The following IRAG2 variants were observed in gnomAD, a reference collection of about 807,000 sequenced individuals.
IRAG2 encodes the protein lymphoid restricted membrane protein.
Under a neutral mutation model 69.9 loss-of-function variants are expected in IRAG2, and 45 were observed. The ratio of observed to expected loss-of-function variants is 0.64; its 90% CI spans 0.51 to 0.83. The LOEUF is 0.83. Among genes scored for constraint, IRAG2 ranks in the 40% least tolerant of loss-of-function variants. The probability of loss-of-function intolerance (pLI) is 0.00; values close to 1 mark genes in which losing one functional copy is unlikely to be tolerated. For missense variants in IRAG2, 520 were observed against 587.0 expected (o/e 0.89, Z 1.18); for synonymous variants, 193 against 202.4 (o/e 0.95, Z 0.40).
intron 16 of IRAG2, among the ~76,000 whole-genome samples, chr12:25,040,298 T>C (rs559014249): frequency 6.6e-6 from 1 of 152,290 alleles, no homozygotes; most frequent in East Asian, 1.9e-4. Flanking sequence ...AGTTTGAGCC[T>C]GGGAGTTCAG....
At chr12:25,105,891 T>G (rs1268618106) in intron 20 of IRAG2, among the ~76,000 whole-genome samples, 1 of 152,196 alleles carries the variant, frequency 6.6e-6, no homozygotes, top group Non-Finnish European at 1.5e-5. Flanking sequence ...TTGGCAATTC[T>G]GAGGGTATTA....
chr12:25,030,290 A>G, exon 10 of IRAG2: 1 of 1,231,720 alleles, frequency 8.1e-7, no homozygotes, highest in Admixed American at 4.2e-5. Context: ...GCAGTTACAC[A>G]CATATGAGAA....
upstream of IRAG2, chr12:25,052,226 T>TTTA (rs1555130272): frequency 2.3e-5 from 9 of 386,308 alleles, no homozygotes; most frequent in African/African-American, 4.2e-5. Flanking sequence ...TTTTTTTTTT[T>TTTA]AACTCCAGTC....
chr12:25,060,732 C>T (rs1436037000), intron 1 of IRAG2, among the ~76,000 whole-genome samples: 2 of 138,940 alleles, frequency 1.4e-5, no homozygotes, highest in Non-Finnish European at 3.0e-5. Flanking sequence ...ATGATCTTGG[C>T]TCACTGCAAC....
chr12:25,015,197 T>C (rs1257469611), exon 4 of IRAG2: 2 of 1,082,958 alleles, frequency 1.8e-6, no homozygotes, highest in East Asian at 4.1e-5. Context: ...GAGTGAATCA[T>C]AGATTAAGCA....
At chr12:25,080,919 G>A (rs984638682) in intron 9 of IRAG2, among the ~76,000 whole-genome samples, 1 of 152,158 alleles carries the variant, frequency 6.6e-6, no homozygotes, top group African/African-American at 2.4e-5. Context: ...GTGCTGTAGG[G>A]AATCTAACTT....
rs529419508 is a variant in IRAG2, at chr12:25,072,833, G to A, written c.24+3402G>A. Among the ~76,000 whole-genome samples the A allele has an allele frequency of 1.2e-4, 18 of 152,336 alleles. No homozygotes were observed. In the South Asian group the frequency reaches 3.7e-3, roughly 32 times the overall value. On this transcript the variant is annotated intron_variant, in intron 6 of 21. Coordinates refer to ENST00000556887, the MANE Select transcript of IRAG2 (RefSeq NM_001366544.2). ...TGTGCCTGTACGTCAGCCAAACCAG[G>A]TAGCCTATATTGTCAGAATATATCA... is the stretch of plus-strand genomic sequence containing the variant.
intron 6 of IRAG2, chr12:25,017,346 T>C: frequency 8.2e-7 from 1 of 1,214,792 alleles, no homozygotes; most frequent in Non-Finnish European, 1.0e-6. Flanking sequence ...TTTTTCTTTT[T>C]TTAAAAAACC....
rs540586480 is a variant in IRAG2 at position 25,083,234 on chromosome 12, C to T, written c.245-189C>T. Among the ~76,000 whole-genome samples the T allele has an allele frequency of 3.9e-5, 6 of 152,234 alleles. No individual in the cohort carries two copies. The South Asian group carries it at 6.2e-4, about 16-fold the overall frequency. ...TTCACTTCTTTTAAGAAATCTTTTA[C>T]GGCCTTAGCTGCTCCATCCTAATTC... On this transcript the variant is annotated intron_variant, in intron 9 of 21. Coordinates refer to ENST00000556887, the MANE Select transcript of IRAG2 (RefSeq NM_001366544.2).
chr12:25,089,490 T>C, intron 11 of IRAG2, 124 bp from the exon 12 acceptor site: 1 of 597,338 alleles, frequency 1.7e-6, no homozygotes, highest in Non-Finnish European at 2.9e-6. Context: ...CATTATTAGC[T>C]GGCGATCATC....
chr12:25,089,838 T>A (rs1565577965), intron 13 of IRAG2, 48 bp downstream of exon 13: 2 of 1,580,652 alleles, frequency 1.3e-6, no homozygotes, highest in Admixed American at 3.3e-5. Flanking sequence ...TGTTCCAGAC[T>A]CACCTGCTAC....
chr12:25,039,011 A>G (rs748280019), intron 16 of IRAG2, among the ~76,000 whole-genome samples: 81 of 152,200 alleles, frequency 5.3e-4, no homozygotes, highest in Admixed American at 1.4e-3. Context: ...CTCAATTCTT[A>G]TGATAATGGG....
At chr12:25,100,476 T>TG (rs1948691986) in intron 15 of IRAG2, among the ~76,000 whole-genome samples, 2 of 152,328 alleles carry the variant, frequency 1.3e-5, no homozygotes, top group South Asian at 4.1e-4. Context: ...GATGTTTCAC[T>TG]GGGGTACTCC....
the IRAG2 span, among the ~76,000 whole-genome samples, chr12:24,998,018 C>T: frequency 6.6e-6 from 1 of 152,176 alleles, no homozygotes; most frequent in Non-Finnish European, 1.5e-5. Flanking sequence ...GTTAGTGAAA[C>T]GCAGTGATGT....
At chr12:25,045,147 C>T (rs888836915) in intron 16 of IRAG2, among the ~76,000 whole-genome samples, 3 of 151,984 alleles carry the variant, frequency 2.0e-5, no homozygotes, top group Admixed American at 1.3e-4. Flanking sequence ...AAACAACAGA[C>T]TCCTGAACAA....
chr12:25,107,938 G>A lies in IRAG2; in HGVS notation c.1378G>A (p.Gly460Ser), dbSNP rs751093700. The A allele has an allele frequency of 1.9e-6, 3 of 1,614,152 alleles. No homozygotes were observed. Among genetic ancestry groups the A allele is most frequent in the East Asian group, 2.2e-5 (1 of 44,878 alleles). The change falls in exon 22 of 22, where the codon GGC (glycine) becomes AGC (serine). Residue 460 changes from glycine (G) to serine (S), a missense_variant. By Grantham distance (56) the Gly-to-Ser change is moderately conservative. Coordinates refer to ENST00000556887, the MANE Select transcript of IRAG2 (RefSeq NM_001366544.2). ...TGCAGCTTTGATGAGCTTCCTCACA[G>A]GCCAATTATTCCAGAAGTCTGTGGA... is the stretch of plus-strand genomic sequence containing the variant. ...LFAALMSFLT[G>S]QLFQKSVDAA...
chr12:25,102,052 T>C (rs1300360619), intron 16 of IRAG2, 146 bp from the exon 17 acceptor site: 3 of 709,304 alleles, frequency 4.2e-6, no homozygotes, highest in Admixed American at 2.0e-5. Flanking sequence ...ATGAAATGAA[T>C]GATAAACAGA....
chr12:25,071,488 G>C (rs983987973), intron 6 of IRAG2, among the ~76,000 whole-genome samples: 1 of 152,092 alleles, frequency 6.6e-6, no homozygotes, highest in African/African-American at 2.4e-5. Context: ...CTTTTATCTG[G>C]CACCGAGTTT....
At chr12:25,010,674 C>G (rs1944467405) in intron 2 of IRAG2, among the ~76,000 whole-genome samples, 1 of 151,786 alleles carries the variant, frequency 6.6e-6, no homozygotes, top group African/African-American at 2.4e-5. Context: ...CATGGTCTAT[C>G]CTTATTTCCT....
Sources: allele counts gnomAD v4.1 joint callset (sites outside exome capture counted in the v4.1 genomes callset), GRCh38; gene constraint gnomAD v4.1.1; transcripts MANE v1.5; gene names NCBI Gene and HGNC (gene_info 2026-07-23, HGNC 2026-07-21).